Variants in AKAP6 observed in about 807,000 individuals in gnomAD.
The protein encoded by AKAP6 is A-kinase anchoring protein 6, also known as A-kinase anchor protein 6.
AKAP6 carries 58 observed loss-of-function variants against 188.5 expected under a neutral mutation model. That is an observed-to-expected ratio of 0.31 (90% CI 0.25 to 0.38). AKAP6 has a LOEUF of 0.38. Ranked by LOEUF, AKAP6 falls within the 10% of genes least tolerant of loss-of-function variation. AKAP6 has a pLI of 1.00. For synonymous variants in AKAP6, 989 were observed against 998.6 expected, an observed-to-expected ratio of 0.99 and a Z score of 0.18; for missense variants, 2,710 against 2,740.0, an observed-to-expected ratio of 0.99 and a Z score of 0.24.
At chr14:32,572,689 G>A (rs1298338045) in intron 4 of AKAP6, among the ~76,000 whole-genome samples, 1 of 152,204 alleles carries the variant, frequency 6.6e-6, no homozygotes, top group African/African-American at 2.4e-5. Context: ...GTGTATTTTA[G>A]CCAGCCAAAG....
rs999731284 is a variant in AKAP6 at position 32,732,342 on chromosome 14, T to G, written c.3001-112T>G. The G allele has an allele frequency of 5.6e-6, 7 of 1,243,572 alleles. No homozygotes were observed. The African/African-American group carries it at 9.1e-5, about 16-fold the overall frequency. The allele number at this position is 1,243,572 out of a possible 1,614,324, so 77.0% of individuals were successfully genotyped here. A position where few individuals can be genotyped will look rare whatever the true frequency, so the allele number is the denominator to read the frequency against. On this transcript the variant is annotated intron_variant, in intron 9 of 13. Coordinates refer to ENST00000280979, the MANE Select transcript of AKAP6 (RefSeq NM_004274.5). ...CTTAGGTTTAGCCTCCCCATAAATT[T>G]TATTGGGAACAAAAACTTTTAATGC...
chr14:32,796,053 T>C (rs1158883470), intron 12 of AKAP6, among the ~76,000 whole-genome samples: 3 of 151,964 alleles, frequency 2.0e-5, no homozygotes, highest in African/African-American at 7.3e-5. Context: ...AAGTATAAAA[T>C]ATGTAGGAAT....
chr14:32,536,931 C>T (rs1882709752), intron 3 of AKAP6, among the ~76,000 whole-genome samples: 1 of 152,026 alleles, frequency 6.6e-6, no homozygotes, highest in Non-Finnish European at 1.5e-5. Flanking sequence ...GCTCTTAATA[C>T]CCAGTTTAGT....
intron 1 of AKAP6, among the ~76,000 whole-genome samples, chr14:32,400,553 C>T (rs1239400190): frequency 3.8e-4 from 1 of 2,648 alleles, no homozygotes; most frequent in Non-Finnish European, 4.6e-3. Context: ...GATATTTAGT[C>T]CACTTTTAGC....
intron 13 of AKAP6, among the ~76,000 whole-genome samples, chr14:32,828,355 A>G (rs970107094): frequency 2.0e-5 from 3 of 152,234 alleles, no homozygotes; most frequent in Non-Finnish European, 4.4e-5. Flanking sequence ...TAGACAATAC[A>G]GGTATAATCT....
intron 11 of AKAP6, among the ~76,000 whole-genome samples, chr14:32,746,747 A>T (rs1295352943): frequency 6.6e-6 from 1 of 152,184 alleles, no homozygotes; most frequent in East Asian, 1.9e-4. Context: ...CACACCTAGA[A>T]ACCGTTTCAG....
chr14:32,549,083 C>T (rs1181045549), intron 4 of AKAP6, among the ~76,000 whole-genome samples: 1 of 152,076 alleles, frequency 6.6e-6, no homozygotes, highest in Non-Finnish European at 1.5e-5. Context: ...ACATATTAAT[C>T]ATCATTAACA....
At chr14:32,423,359 G>A (rs1889916860) in intron 1 of AKAP6, among the ~76,000 whole-genome samples, 1 of 151,908 alleles carries the variant, frequency 6.6e-6, no homozygotes, top group Non-Finnish European at 1.5e-5. Flanking sequence ...TTGTGTGTGT[G>A]TGTGGAGATG....
At chr14:32,685,682 G>A (rs930493214) in intron 8 of AKAP6, among the ~76,000 whole-genome samples, 1 of 138,346 alleles carries the variant, frequency 7.2e-6, no homozygotes, top group African/African-American at 2.7e-5. Flanking sequence ...CAATATCCAT[G>A]CCATTGCACT....
intron 4 of AKAP6, among the ~76,000 whole-genome samples, chr14:32,562,718 A>G (rs1196661049): frequency 2.6e-5 from 4 of 152,164 alleles, no homozygotes; most frequent in Non-Finnish European, 5.9e-5. Context: ...AGATTGCACC[A>G]CTGCACTCCA....
Position 32,823,771 on chromosome 14 carries a change from A to G in AKAP6, c.5958A>G (p.Glu1986=). The change falls in exon 13 of 14, where the codon GAA becomes GAG. Residue 1986 remains glutamate (E), a synonymous_variant. Transcript: ENST00000280979. ...CTCCCACTGAGAAGTCTTTCTCAGAACTGGCTTTAGAAACCAGGTTTAACA... is the reference window on the plus strand; with the variant it reads ...CTCCCACTGAGAAGTCTTTCTCAGAGCTGGCTTTAGAAACCAGGTTTAACA... ...ASTPTEKSFS[E]LALETRFNNR... 1 of 1,613,666 alleles carries G rather than the reference A, an allele frequency of 6.2e-7. No individual in the cohort carries two copies. Among genetic ancestry groups the G allele is most frequent in the Non-Finnish European group, 8.5e-7 (1 of 1,179,920 alleles).
rs149580129 is a variant in AKAP6, at chr14:32,459,897, G to A, written c.324+26080G>A. On this transcript the variant is annotated intron_variant, in intron 2 of 13. Coordinates refer to ENST00000280979, the MANE Select transcript of AKAP6 (RefSeq NM_004274.5). The stretch of plus-strand genomic sequence containing the variant: ...TATTTTTCCCATAAATAGTTACTGC[G>A]GAATCTCCTGGAGAATATATGTTAG... 1.5e-3 allele frequency among the ~76,000 whole-genome samples: 226 copies of A among 152,042 alleles called. 1 individual carries two copies. The highest frequency in any genetic ancestry group is 2.7e-3 in the Admixed American group (41 of 15,280).
At chr14:32,386,096 ACTT>A (rs1888529950) in intron 1 of AKAP6, among the ~76,000 whole-genome samples, 1 of 151,672 alleles carries the variant, frequency 6.6e-6, no homozygotes, top group African/African-American at 2.4e-5. Context: ...TCATATAAAG[ACTT>A]CTTTTCCTCT....
At chr14:32,390,617 C>G (rs1414255600) in intron 1 of AKAP6, among the ~76,000 whole-genome samples, 5 of 152,118 alleles carry the variant, frequency 3.3e-5, no homozygotes, top group Non-Finnish European at 1.5e-5. Flanking sequence ...AGTGTTATCT[C>G]TCTTCTGGAT....
At chr14:32,706,150 C>T (rs997471062) in intron 9 of AKAP6, among the ~76,000 whole-genome samples, 7 of 152,126 alleles carry the variant, frequency 4.6e-5, no homozygotes, top group African/African-American at 1.4e-4. Flanking sequence ...GTCTTTTGCT[C>T]GCCTGCTCAT....
intron 4 of AKAP6, among the ~76,000 whole-genome samples, chr14:32,562,527 G>T (rs959041144): frequency 6.6e-6 from 1 of 152,186 alleles, no homozygotes; most frequent in African/African-American, 2.4e-5. Context: ...GGAAGCTGAG[G>T]CATGTGGATC....
intron 7 of AKAP6, among the ~76,000 whole-genome samples, chr14:32,643,297 C>A (rs1887839892): frequency 1.3e-5 from 2 of 151,834 alleles, no homozygotes; most frequent in Non-Finnish European, 1.5e-5. Flanking sequence ...TCATTTTCTT[C>A]ATACATTCTT....
chr14:32,521,100 A>G (rs151211253), intron 2 of AKAP6, among the ~76,000 whole-genome samples: 1,968 of 152,276 alleles, frequency 0.013, 59 homozygotes, highest in African/African-American at 0.044. Flanking sequence ...TGATTATCTC[A>G]ATAGATGCAG....
chr14:32,521,411 A>G (rs1465454331), intron 2 of AKAP6, among the ~76,000 whole-genome samples: 1 of 152,222 alleles, frequency 6.6e-6, no homozygotes, highest in Admixed American at 6.5e-5. Context: ...CTGTTTGCAG[A>G]TGACATGATT....
Sources: allele counts gnomAD v4.1 joint callset (sites outside exome capture counted in the v4.1 genomes callset), GRCh38; gene constraint gnomAD v4.1.1; transcripts MANE v1.5; gene names NCBI Gene and HGNC (gene_info 2026-07-23, HGNC 2026-07-21).